The following CASTOR2 variants were observed in gnomAD, a reference collection of about 807,000 sequenced individuals.
The protein encoded by CASTOR2 is GATS protein like 2.
Under a neutral mutation model 31.2 loss-of-function variants are expected in CASTOR2, and 8 were observed. That is an observed-to-expected ratio of 0.26 (90% CI 0.15 to 0.46). The LOEUF is 0.46. Among genes scored for constraint, CASTOR2 ranks in the 20% least tolerant of loss-of-function variants. The pLI, the probability that CASTOR2 is intolerant of heterozygous loss-of-function variation, is 0.99. For synonymous variants in CASTOR2, 162 were observed against 158.7 expected, an observed-to-expected ratio of 1.02 and a Z score of -0.16; for missense variants, 216 against 382.1, an observed-to-expected ratio of 0.57 and a Z score of 3.62.
At chr7:74,987,185 A>C (rs1804086505) in intron 1 of CASTOR2, among the ~76,000 whole-genome samples, 1 of 152,114 alleles carries the variant, frequency 6.6e-6, no homozygotes, top group Non-Finnish European at 1.5e-5. Context: ...TGGGCAGATC[A>C]CTTGAGGTCA....
intron 6 of CASTOR2, among the ~76,000 whole-genome samples, chr7:75,020,452 AG>A (rs1804967832): frequency 6.8e-6 from 1 of 147,746 alleles, no homozygotes; most frequent in Non-Finnish European, 1.5e-5. Flanking sequence ...GCTGGTCTCA[AG>A]CTCCTGACCT....
intron 2 of CASTOR2, among the ~76,000 whole-genome samples, chr7:75,015,087 GCTC>G (rs1179369103): frequency 6.6e-6 from 1 of 152,200 alleles, no homozygotes; most frequent in Non-Finnish European, 1.5e-5. Flanking sequence ...GGACCAATGG[GCTC>G]CTTGGGCTGT....
In CASTOR2 at chr7:75,025,625, A is replaced by C. The variant is rs1237201213; in HGVS notation, c.*926A>C. Among the ~76,000 whole-genome samples the C allele has an allele frequency of 6.6e-6, 1 of 152,236 alleles. No homozygotes were observed. The highest frequency in any genetic ancestry group is 2.4e-5 in the African/African-American group (1 of 41,472). On this transcript the variant is annotated 3_prime_UTR_variant, in exon 9 of 9. Coordinates refer to ENST00000616305, the MANE Select transcript of CASTOR2 (RefSeq NM_001145064.3). ...CGTCCTCCTCCCTCCTCTGCCCCCA[A>C]GTCACCTGCCTGCCCACCCGCCCCT... is the stretch of plus-strand genomic sequence containing the variant.
intron 1 of CASTOR2, among the ~76,000 whole-genome samples, chr7:74,997,826 A>G (rs1804388574): frequency 6.6e-6 from 1 of 151,902 alleles, no homozygotes; most frequent in Non-Finnish European, 1.5e-5. Flanking sequence ...TTCAACCCAC[A>G]GTGCTGTGAC....
chr7:74,974,288 C>G (rs1434091047), intron 1 of CASTOR2, among the ~76,000 whole-genome samples: 4 of 148,448 alleles, frequency 2.7e-5, no homozygotes, highest in African/African-American at 1.0e-4. Context: ...TTGGTATGCT[C>G]TGTTCACTGA....
intron 1 of CASTOR2, 180 bp from the exon 2 acceptor site, chr7:75,007,814 A>G (rs1338921524): frequency 2.6e-6 from 2 of 758,830 alleles, no homozygotes; most frequent in Admixed American, 4.3e-5. Context: ...GCCTCTCCTG[A>G]GTGAGAACTG....
intron 1 of CASTOR2, among the ~76,000 whole-genome samples, chr7:74,985,627 C>T (rs1707276737): frequency 1.4e-5 from 2 of 145,056 alleles, no homozygotes; most frequent in African/African-American, 5.0e-5. Flanking sequence ...GTGAGGGGAT[C>T]TCAGTTCTGC....
chr7:75,027,755 C>A lies in CASTOR2; in HGVS notation c.*3056C>A. The A allele has an allele frequency of 2.0e-6, 1 of 493,208 alleles. No homozygotes were observed. Among genetic ancestry groups the A allele is most frequent in the Non-Finnish European group, 3.7e-6 (1 of 273,458 alleles). 30.6% of individuals were successfully genotyped at this position (493,208 alleles called of 1,614,324 possible). On this transcript the variant is annotated 3_prime_UTR_variant, in exon 9 of 9. Coordinates refer to ENST00000616305, the MANE Select transcript of CASTOR2 (RefSeq NM_001145064.3). The stretch of plus-strand genomic sequence containing the variant: ...GGGGGCCCCTTTAGTTTTCCCATCC[C>A]CATCCTGCTCGTGTAAAGCTTGGTT...
In CASTOR2 at chr7:75,024,813, G is replaced by A; in HGVS notation, c.*114G>A. Reference sequence around the variant, plus strand: ...AATCAGCCTGGGGACCCTGAGGAAGGGGCCTCTGTGGGAGACTCCCTCGAT... The same window carrying A: ...AATCAGCCTGGGGACCCTGAGGAAGAGGCCTCTGTGGGAGACTCCCTCGAT... On this transcript the variant is annotated 3_prime_UTR_variant, in exon 9 of 9. Transcript: ENST00000616305. 6.5e-7 allele frequency: 1 copy of A among 1,549,072 alleles called. No homozygotes were observed. Among genetic ancestry groups the A allele is most frequent in the Non-Finnish European group, 8.7e-7 (1 of 1,146,542 alleles).
chr7:75,026,395 T>G lies in CASTOR2; in HGVS notation c.*1696T>G, dbSNP rs1805133634. On this transcript the variant is annotated 3_prime_UTR_variant, in exon 9 of 9. Transcript: ENST00000616305. Reference sequence around the variant, plus strand: ...TAATAGAGACGGGATTTCGTAACATTGCTCAGGCTGGTCTTGAACTCCTGA... The same window carrying G: ...TAATAGAGACGGGATTTCGTAACATGGCTCAGGCTGGTCTTGAACTCCTGA... 6.6e-6 allele frequency among the ~76,000 whole-genome samples: 1 copy of G among 151,860 alleles called. No homozygotes were observed. The highest frequency in any genetic ancestry group is 2.4e-5 in the African/African-American group (1 of 41,334).
chr7:75,021,819 G>T, intron 6 of CASTOR2, 55 bp from the exon 7 acceptor site: 1 of 1,543,520 alleles, frequency 6.5e-7, no homozygotes, highest in Non-Finnish European at 8.8e-7. Flanking sequence ...AGCACACCAA[G>T]GAGGGAGTGC....
chr7:74,993,824 T>C (rs1376099422), intron 1 of CASTOR2, among the ~76,000 whole-genome samples: 2 of 150,374 alleles, frequency 1.3e-5, no homozygotes, highest in Non-Finnish European at 2.9e-5. Flanking sequence ...AAAACACTTG[T>C]AATTCTCTTC....
At chr7:75,009,995 TG>T (rs1269803870) in intron 2 of CASTOR2, among the ~76,000 whole-genome samples, 5 of 151,446 alleles carry the variant, frequency 3.3e-5, no homozygotes, top group Admixed American at 2.6e-4. Flanking sequence ...CTTAGACTCC[TG>T]GGCTCAAGCA....
At chr7:74,990,336 C>T (rs1272873150) in intron 1 of CASTOR2, among the ~76,000 whole-genome samples, 7 of 148,418 alleles carry the variant, frequency 4.7e-5, no homozygotes, top group African/African-American at 1.2e-4. Flanking sequence ...TGCAGTGAGC[C>T]GAGATTGCGC....
chr7:74,986,637 C>T (rs1336014739), intron 1 of CASTOR2, among the ~76,000 whole-genome samples: 5 of 152,282 alleles, frequency 3.3e-5, no homozygotes, highest in South Asian at 2.1e-4. Flanking sequence ...GCCCCTTACG[C>T]CCCCTTCCGA....
chr7:74,990,974 C>T (rs1392724694), intron 1 of CASTOR2, among the ~76,000 whole-genome samples: 11 of 150,364 alleles, frequency 7.3e-5, no homozygotes, highest in Middle Eastern at 3.4e-3. Context: ...CCCAGCTACT[C>T]GGGCAGGAGG....
In CASTOR2 at chr7:74,975,903, C is replaced by T. The variant is rs587647285; in HGVS notation, c.113+10805C>T. ...CCAACCCCCAAGGCCTGAAGACACC[C>T]AAGCAGCCCCATGGAGAGGCCCATA... On this transcript the variant is annotated intron_variant, in intron 1 of 8. Transcript: ENST00000616305. Among the ~76,000 whole-genome samples the T allele has an allele frequency of 5.3e-3, 778 of 145,982 alleles. 17 individuals are homozygous for T. The highest frequency in any genetic ancestry group is 0.019 in the African/African-American group (742 of 39,706).
At chr7:74,975,684 T>TC (rs1167411307) in intron 1 of CASTOR2, among the ~76,000 whole-genome samples, 5 of 92,818 alleles carry the variant, frequency 5.4e-5, no homozygotes, top group Non-Finnish European at 4.3e-5. Context: ...AGAGCCAGAC[T>TC]CCATGTCAAA....
At chr7:75,004,961 G>A (rs1187974441) in intron 1 of CASTOR2, among the ~76,000 whole-genome samples, 3 of 151,964 alleles carry the variant, frequency 2.0e-5, no homozygotes, top group Non-Finnish European at 4.4e-5. Flanking sequence ...CACCTCCCGG[G>A]TTCAAGTGAG....
Sources: allele counts gnomAD v4.1 joint callset (sites outside exome capture counted in the v4.1 genomes callset), GRCh38; gene constraint gnomAD v4.1.1; transcripts MANE v1.5; gene names NCBI Gene and HGNC (gene_info 2026-07-23, HGNC 2026-07-21).